The following KDM6A variants were observed in gnomAD, a reference collection of about 807,000 sequenced individuals.
KDM6A encodes lysine-specific demethylase 6A.
KDM6A carries 11 observed loss-of-function variants against 117.6 expected under a neutral mutation model. The observed-to-expected ratio is 0.09, with a 90% CI of 0.06 to 0.15. The LOEUF (loss-of-function observed/expected upper bound fraction) is 0.15, where lower values mean the gene tolerates loss of function less well. KDM6A is among the 10% of genes least tolerant of loss of function. The pLI is 1.00. For synonymous variants in KDM6A, 384 were observed against 396.1 expected, an observed-to-expected ratio of 0.97 and a Z score of 0.36; for missense variants, 799 against 1,077.3, an observed-to-expected ratio of 0.74 and a Z score of 3.62.
At chrX:45,043,859 T>C (rs2043406331) in intron 8 of KDM6A, among the ~76,000 whole-genome samples, 1 of 112,443 alleles carries the variant, frequency 8.9e-6, no homozygotes, top group Admixed American at 9.4e-5. Flanking sequence ...TCTCTGTACA[T>C]GTGCCGCACA....
chrX:44,920,993 G>C (rs2035899133), intron 2 of KDM6A, among the ~76,000 whole-genome samples: 1 of 105,697 alleles, frequency 9.5e-6, no homozygotes, highest in Non-Finnish European at 1.9e-5. Context: ...TCTTGCCTCA[G>C]CCTCCCCAGT....
intron 2 of KDM6A, among the ~76,000 whole-genome samples, chrX:44,896,390 C>T (rs2033857067): frequency 9.0e-6 from 1 of 111,246 alleles, no homozygotes; most frequent in African/African-American, 3.3e-5. Context: ...AATAAATTTT[C>T]TTAAGTGTAC....
chrX:44,953,176 A>C (rs963894834), intron 2 of KDM6A, among the ~76,000 whole-genome samples: 3 of 111,205 alleles, frequency 2.7e-5, no homozygotes, highest in Non-Finnish European at 5.7e-5. Flanking sequence ...CTGGAACTCT[A>C]CTGTTCCAGG....
chrX:44,901,711 A>G lies in KDM6A; in HGVS notation c.225+27724A>G, dbSNP rs988110880. ...AGAATATTCTGTGTCCCTAGTAACA[A>G]TTTTTGTCTCAAAGTGTATTTTAAA... On this transcript the variant is annotated intron_variant, in intron 2 of 29. Coordinates refer to ENST00000611820, the MANE Select transcript of KDM6A (RefSeq NM_001291415.2). Among the ~76,000 whole-genome samples, 4 of 111,703 alleles carry G rather than the reference A, an allele frequency of 3.6e-5. No individual in the cohort carries two copies. The East Asian group carries it at 1.1e-3, about 31-fold the overall frequency.
chrX:45,033,835 G>A (rs994811663), intron 6 of KDM6A, among the ~76,000 whole-genome samples: 1 of 110,627 alleles, frequency 9.0e-6, no homozygotes, highest in Non-Finnish European at 1.9e-5. Context: ...TTACAGTCGT[G>A]AGCCACCGCA....
intron 29 of KDM6A, 105 bp downstream of exon 29, chrX:45,110,354 C>T (rs971026106): frequency 1.3e-5 from 9 of 712,090 alleles, no homozygotes; most frequent in Non-Finnish European, 1.8e-5. Flanking sequence ...TTAAATTTTC[C>T]TTTGGCTCAT....
chrX:44,989,873 A>G (rs56884709), intron 4 of KDM6A, among the ~76,000 whole-genome samples: 19,013 of 111,319 alleles, frequency 0.17, 2,368 homozygotes, highest in African/African-American at 0.44. Flanking sequence ...TTTTTCTTAC[A>G]GGGCAAAATA....
At chrX:45,027,336 A>AACACACACACACACACACACACAC (rs200245833) in intron 6 of KDM6A, among the ~76,000 whole-genome samples, 7 of 98,153 alleles carry the variant, frequency 7.1e-5, no homozygotes, top group African/African-American at 2.7e-4. Flanking sequence ...CATAGTGTGA[A>AACACACACACACACACACACACAC]ACACACACAC....
intron 19 of KDM6A, 101 bp from the exon 20 acceptor site, chrX:45,078,299 G>T: frequency 1.2e-6 from 1 of 811,316 alleles, no homozygotes; most frequent in East Asian, 3.5e-5. Flanking sequence ...CATAAAATGC[G>T]TTATTTAAAT....
chrX:45,048,931 A>C (rs1275512192), intron 8 of KDM6A, among the ~76,000 whole-genome samples: 1 of 110,224 alleles, frequency 9.1e-6, no homozygotes, highest in African/African-American at 3.4e-5. Context: ...ATGTACTACT[A>C]TAAGCATCCA....
At chrX:45,072,026 C>T (rs2044872588) in intron 18 of KDM6A, among the ~76,000 whole-genome samples, 1 of 111,695 alleles carries the variant, frequency 9.0e-6, no homozygotes, top group South Asian at 3.7e-4. Flanking sequence ...CCACCTGCCT[C>T]TGCCTCCCAA....
At chrX:44,991,824 T>TTA (rs1465157672) in intron 4 of KDM6A, among the ~76,000 whole-genome samples, 1 of 108,480 alleles carries the variant, frequency 9.2e-6, no homozygotes, top group African/African-American at 3.5e-5. Flanking sequence ...GTAGCTGGGA[T>TTA]TACAGCTGTG....
chrX:44,875,214 G>A (rs1482284625), intron 2 of KDM6A, among the ~76,000 whole-genome samples: 2 of 112,322 alleles, frequency 1.8e-5, no homozygotes, highest in Admixed American at 9.5e-5. Context: ...CAGTTGAGAC[G>A]CAAGTTTGAA....
chrX:44,974,763 T>G, intron 4 of KDM6A, 48 bp downstream of exon 4: 1 of 882,273 alleles, frequency 1.1e-6, no homozygotes, highest in Non-Finnish European at 1.7e-6. Flanking sequence ...TTTGGGCAGA[T>G]TATTGCCAAT....
intron 2 of KDM6A, among the ~76,000 whole-genome samples, chrX:44,934,075 T>C (rs2036831430): frequency 8.9e-6 from 1 of 112,542 alleles, no homozygotes; most frequent in African/African-American, 3.2e-5. Flanking sequence ...TTTTATCATT[T>C]TATTGTTTTC....
At chrX:45,104,028 T>TTTA (rs1427086424) in intron 27 of KDM6A, among the ~76,000 whole-genome samples, 4 of 108,617 alleles carry the variant, frequency 3.7e-5, no homozygotes, top group Non-Finnish European at 7.7e-5. Flanking sequence ...TGAATTCTTT[T>TTTA]TTTTTTTTTT....
intron 2 of KDM6A, among the ~76,000 whole-genome samples, chrX:44,939,772 A>G (rs2037185819): frequency 8.9e-6 from 1 of 111,795 alleles, no homozygotes; most frequent in Admixed American, 9.5e-5. Context: ...AACTTCAGCA[A>G]CCACCACCCT....
chrX:44,988,641 G>A (rs767857229), intron 4 of KDM6A, among the ~76,000 whole-genome samples: 1 of 111,595 alleles, frequency 9.0e-6, no homozygotes, highest in Admixed American at 9.5e-5. Flanking sequence ...AGGACCCTCA[G>A]CTGCAGGTCT....
intron 3 of KDM6A, among the ~76,000 whole-genome samples, chrX:44,965,631 G>C (rs1206985551): frequency 8.9e-6 from 1 of 111,979 alleles, no homozygotes; most frequent in African/African-American, 3.2e-5. Flanking sequence ...ATTGTTTACT[G>C]TCTTATGTGG....
Sources: allele counts gnomAD v4.1 joint callset (sites outside exome capture counted in the v4.1 genomes callset), GRCh38; gene constraint gnomAD v4.1.1; transcripts MANE v1.5; gene names NCBI Gene and HGNC (gene_info 2026-07-23, HGNC 2026-07-21).